HTR2C: variants seen among roughly 807,000 people sequenced by gnomAD.
HTR2C encodes 5-hydroxytryptamine (serotonin) receptor 2C, G protein-coupled.
Under a neutral mutation model 21.0 loss-of-function variants are expected in HTR2C, and 5 were observed. The ratio of observed to expected loss-of-function variants is 0.24; its 90% CI spans 0.12 to 0.50. The LOEUF (loss-of-function observed/expected upper bound fraction) is 0.50. Ranked by LOEUF, HTR2C falls within the 20% of genes least tolerant of loss-of-function variation. The probability of loss-of-function intolerance (pLI) is 0.98; values close to 1 mark genes in which losing one functional copy is unlikely to be tolerated. For synonymous variants in HTR2C, 150 were observed against 145.3 expected (o/e 1.03, Z -0.23); for missense variants, 271 against 371.2 (o/e 0.73, Z 2.22).
At chrX:114,851,147 A>G (rs1402072689) in intron 5 of HTR2C, among the ~76,000 whole-genome samples, 1 of 111,999 alleles carries the variant, frequency 8.9e-6, no homozygotes, top group Non-Finnish European at 1.9e-5. Context: ...AGGGACAGAT[A>G]GACAAGTCTA....
intron 2 of HTR2C, among the ~76,000 whole-genome samples, chrX:114,693,553 T>C (rs1354097356): frequency 8.9e-6 from 1 of 111,773 alleles, no homozygotes; most frequent in Non-Finnish European, 1.9e-5. Context: ...GCCAAATGTT[T>C]CTTTGTTGTG....
intron 2 of HTR2C, among the ~76,000 whole-genome samples, chrX:114,694,138 G>A (rs143290723): frequency 0.011 from 1,259 of 110,119 alleles, 5 homozygotes; most frequent in Middle Eastern, 0.019. Flanking sequence ...GCTTTTCCCT[G>A]GGAAAATAAT....
intron 5 of HTR2C, among the ~76,000 whole-genome samples, chrX:114,863,489 C>T (rs1055547902): frequency 9.0e-6 from 1 of 111,375 alleles, no homozygotes; most frequent in Admixed American, 9.6e-5. Context: ...TTATTGTAAT[C>T]TGAAATGACA....
chrX:114,591,539 C>A (rs1927633210), intron 1 of HTR2C, among the ~76,000 whole-genome samples: 1 of 111,542 alleles, frequency 9.0e-6, no homozygotes, highest in Admixed American at 9.5e-5. Flanking sequence ...GATTATTACC[C>A]ACCTCTCACT....
chrX:114,699,388 C>G (rs1932387392), intron 2 of HTR2C, among the ~76,000 whole-genome samples: 2 of 111,171 alleles, frequency 1.8e-5, no homozygotes, highest in South Asian at 7.5e-4. Flanking sequence ...TGCCCCTTCC[C>G]TTCTTAGCAC....
chrX:114,712,601 A>T, intron 2 of HTR2C, among the ~76,000 whole-genome samples: 1 of 112,083 alleles, frequency 8.9e-6, no homozygotes, highest in East Asian at 2.8e-4. Flanking sequence ...AAAGATATTT[A>T]AGACCTTTGC....
intron 4 of HTR2C, among the ~76,000 whole-genome samples, chrX:114,811,769 C>T (rs2070534185): frequency 8.9e-6 from 1 of 111,931 alleles, no homozygotes; most frequent in Non-Finnish European, 1.9e-5. Flanking sequence ...GAAACTATTG[C>T]CTTCTGATGA....
intron 2 of HTR2C, among the ~76,000 whole-genome samples, chrX:114,624,194 C>A (rs148572569): frequency 9.0e-6 from 1 of 110,613 alleles, no homozygotes; most frequent in African/African-American, 3.3e-5. Flanking sequence ...CCCCACCCAG[C>A]CCCAAAAGTT....
chrX:114,656,950 CA>C (rs1930805084), intron 2 of HTR2C, among the ~76,000 whole-genome samples: 1 of 110,533 alleles, frequency 9.0e-6, no homozygotes, highest in African/African-American at 3.3e-5. Context: ...CTTGGCAAAG[CA>C]AATGTATAAT....
intron 4 of HTR2C, among the ~76,000 whole-genome samples, chrX:114,845,903 C>T (rs1238429704): frequency 9.1e-6 from 1 of 110,058 alleles, no homozygotes; most frequent in East Asian, 2.9e-4. Context: ...GCCCTAGCTA[C>T]TCAGGAGGCT....
At chrX:114,764,256 G>C (rs2069912686) in intron 4 of HTR2C, among the ~76,000 whole-genome samples, 1 of 110,431 alleles carries the variant, frequency 9.1e-6, no homozygotes, top group African/African-American at 3.3e-5. Flanking sequence ...AAACTAGCTG[G>C]GTGTGGTGGC....
At chrX:114,651,055 T>C (rs1930550816) in intron 2 of HTR2C, among the ~76,000 whole-genome samples, 1 of 112,201 alleles carries the variant, frequency 8.9e-6, no homozygotes, top group East Asian at 2.8e-4. Context: ...GTATTTTACA[T>C]GATATCTACA....
At chrX:114,702,788 C>T (rs1436483852) in intron 2 of HTR2C, among the ~76,000 whole-genome samples, 1 of 105,646 alleles carries the variant, frequency 9.5e-6, no homozygotes, top group South Asian at 4.6e-4. Flanking sequence ...GAGTCAAGAC[C>T]CATCAGTGTG....
rs201026881 is a variant in HTR2C at position 114,726,841 on chromosome X, T to C, written c.-79-17T>C. ...GATGTTTAACTAATTTTCTCTTTCTTCTTTTTCTCTCCCCAGAAAGGATGA... is the reference window on the plus strand; with the variant it reads ...GATGTTTAACTAATTTTCTCTTTCTCCTTTTTCTCTCCCCAGAAAGGATGA... On this transcript the variant is annotated splice_polypyrimidine_tract_variant and intron_variant, in intron 2 of 5. Coordinates refer to ENST00000276198, the MANE Select transcript of HTR2C (RefSeq NM_000868.4). 1.1e-5 allele frequency: 6 copies of C among 549,581 alleles called. No homozygotes were observed. The highest frequency in any genetic ancestry group is 4.0e-5 in the East Asian group (1 of 25,133). The allele number at this position is 549,581 out of a possible 1,213,427, so 45.3% of individuals were successfully genotyped here.
At chrX:114,657,457 A>G (rs782711664) in intron 2 of HTR2C, among the ~76,000 whole-genome samples, 7 of 111,393 alleles carry the variant, frequency 6.3e-5, no homozygotes, top group East Asian at 2.8e-4. Flanking sequence ...TAAATAATTC[A>G]TGCAAATTCA....
At chrX:114,784,142 A>G (rs1454180576) in intron 4 of HTR2C, among the ~76,000 whole-genome samples, 1 of 110,002 alleles carries the variant, frequency 9.1e-6, no homozygotes, top group Non-Finnish European at 1.9e-5. Context: ...GTTCTCTGAA[A>G]AAAAAAAAAA....
At position 114,837,542 on chromosome X, in the gene HTR2C, G is replaced by A. The variant is rs782092551; in HGVS notation, c.350-10461G>A. ...ATGAATTTTGTCACTGTTGCAAATAGACTATTTTCCCTTTTTCTATCTCTG... is the reference window on the plus strand; with the variant it reads ...ATGAATTTTGTCACTGTTGCAAATAAACTATTTTCCCTTTTTCTATCTCTG... On this transcript the variant is annotated intron_variant, in intron 4 of 5. Coordinates refer to ENST00000276198, the MANE Select transcript of HTR2C (RefSeq NM_000868.4). Among the ~76,000 whole-genome samples, 27 of 111,274 alleles carry A rather than the reference G, an allele frequency of 2.4e-4. No individual in the cohort carries two copies. In the East Asian group the frequency reaches 6.8e-3, roughly 28 times the overall value.
At chrX:114,633,945 T>TAGAGAGAG (rs1216290509) in intron 2 of HTR2C, among the ~76,000 whole-genome samples, 16 of 25,867 alleles carry the variant, frequency 6.2e-4, no homozygotes, top group African/African-American at 1.2e-3. Context: ...TATATATATA[T>TAGAGAGAG]ATAGAGAGAG....
intron 1 of HTR2C, among the ~76,000 whole-genome samples, chrX:114,607,342 C>T (rs1363019524): frequency 9.0e-6 from 1 of 111,302 alleles, no homozygotes; most frequent in Non-Finnish European, 1.9e-5. Context: ...TTCTTCTTGG[C>T]CATTTATTGG....
Sources: allele counts gnomAD v4.1 joint callset (sites outside exome capture counted in the v4.1 genomes callset), GRCh38; gene constraint gnomAD v4.1.1; transcripts MANE v1.5; gene names NCBI Gene and HGNC (gene_info 2026-07-23, HGNC 2026-07-21).